CEP128: variants seen among roughly 807,000 people sequenced by gnomAD.
The protein encoded by CEP128 is centrosomal protein 128kDa.
Under a neutral mutation model 156.7 loss-of-function variants are expected in CEP128, and 132 were observed. The ratio of observed to expected loss-of-function variants is 0.84; its 90% CI spans 0.73 to 0.97. The LOEUF is 0.97. Ranked by LOEUF, CEP128 falls within the 50% of genes least tolerant of loss-of-function variation. CEP128 has a pLI of 0.00. For missense variants in CEP128, 1,252 were observed against 1,281.9 expected (o/e 0.98, Z 0.36); for synonymous variants, 469 against 448.9 (o/e 1.04, Z -0.57).
At chr14:80,520,989 ATTTTTT>A (rs533538115) in intron 23 of CEP128, among the ~76,000 whole-genome samples, 14 of 114,604 alleles carry the variant, frequency 1.2e-4, no homozygotes, top group African/African-American at 3.7e-4. Flanking sequence ...CGCCCAGCTA[ATTTTTT>A]TTTTTTTTTT....
At chr14:80,854,774 C>T (rs1199910538) in intron 9 of CEP128, among the ~76,000 whole-genome samples, 2 of 151,974 alleles carry the variant, frequency 1.3e-5, no homozygotes, top group Non-Finnish European at 1.5e-5. Context: ...AACACAGGAC[C>T]AAAACAGTGT....
rs554380167 is a variant in CEP128, at chr14:80,694,451, A to C, written c.2806+48624T>G. 4.2e-3 allele frequency among the ~76,000 whole-genome samples: 637 copies of C among 152,308 alleles called. 6 individuals are homozygous for C. Among genetic ancestry groups the C allele is most frequent in the African/African-American group, 0.015 (622 of 41,576 alleles). On this transcript the variant is annotated intron_variant, in intron 19 of 24. Coordinates refer to ENST00000555265, the MANE Select transcript of CEP128 (RefSeq NM_152446.5). ...TTCTACTATAAAGACACATGAACATATATGTTTACTGCAGCACTATTTACA... is the reference window on the plus strand; with the variant it reads ...TTCTACTATAAAGACACATGAACATCTATGTTTACTGCAGCACTATTTACA...
At chr14:80,916,757 T>C (rs934433659) in intron 2 of CEP128, among the ~76,000 whole-genome samples, 195 bp from the exon 3 acceptor site, 16 of 152,236 alleles carry the variant, frequency 1.1e-4, no homozygotes, top group African/African-American at 3.9e-4. Context: ...CCATTGTCTC[T>C]GCTTTAAGGG....
rs532371368 is a variant in CEP128 at position 80,571,331 on chromosome 14, T to C, written c.2856+9043A>G. Among the ~76,000 whole-genome samples the C allele has an allele frequency of 2.6e-5, 4 of 152,318 alleles. No individual in the cohort carries two copies. The East Asian group carries it at 5.8e-4, about 22-fold the overall frequency. On this transcript the variant is annotated intron_variant, in intron 20 of 24. Coordinates refer to ENST00000555265, the MANE Select transcript of CEP128 (RefSeq NM_152446.5). ...CTAGGGATTTCTATTACAACCAGAATGTAGTAAAGGCATGGAATCTCTTGT... is the reference window on the plus strand; with the variant it reads ...CTAGGGATTTCTATTACAACCAGAACGTAGTAAAGGCATGGAATCTCTTGT...
intron 19 of CEP128, among the ~76,000 whole-genome samples, chr14:80,632,365 G>A (rs1454677503): frequency 6.7e-6 from 1 of 148,762 alleles, no homozygotes; most frequent in Non-Finnish European, 1.5e-5. Flanking sequence ...TATATACTAA[G>A]TATAAATATT....
At chr14:80,496,144 C>T (rs554262642), downstream of CEP128, among the ~76,000 whole-genome samples, 1 of 152,156 alleles carries the variant, frequency 6.6e-6, no homozygotes, top group Non-Finnish European at 1.5e-5. Flanking sequence ...GCCAAACAAA[C>T]TTTGCGACAT....
chr14:80,870,982 T>C (rs1409702973), intron 8 of CEP128, among the ~76,000 whole-genome samples: 1 of 151,430 alleles, frequency 6.6e-6, no homozygotes, highest in Non-Finnish European at 1.5e-5. Context: ...CTGTTCACTA[T>C]AGCACCCAAA....
intron 2 of CEP128, among the ~76,000 whole-genome samples, chr14:80,952,582 A>G (rs896056915): frequency 1.3e-5 from 2 of 152,116 alleles, no homozygotes; most frequent in African/African-American, 4.8e-5. Flanking sequence ...CCTCAGTCTT[A>G]AGAAACCTCA....
intron 13 of CEP128, among the ~76,000 whole-genome samples, chr14:80,821,632 CACACACACACAT>C (rs1490075942): frequency 2.9e-4 from 44 of 150,364 alleles, no homozygotes; most frequent in African/African-American, 1.0e-3. Context: ...CACACACACA[CACACACACACAT>C]GCACACAAAG....
intron 23 of CEP128, among the ~76,000 whole-genome samples, chr14:80,523,982 T>C (rs1191376290): frequency 6.6e-6 from 1 of 152,194 alleles, no homozygotes; most frequent in East Asian, 1.9e-4. Context: ...TATGAATAAA[T>C]GAGTGTGGTT....
At chr14:80,613,431 T>C (rs1006158016) in intron 19 of CEP128, among the ~76,000 whole-genome samples, 2 of 149,242 alleles carry the variant, frequency 1.3e-5, no homozygotes, top group African/African-American at 4.9e-5. Context: ...GCCTCTCGAG[T>C]AATTGGGACT....
chr14:80,624,917 T>C (rs1024875726), intron 19 of CEP128, among the ~76,000 whole-genome samples: 4 of 152,234 alleles, frequency 2.6e-5, no homozygotes, highest in African/African-American at 9.6e-5. Flanking sequence ...AAATTTTCAG[T>C]TTGATATAGT....
At chr14:80,636,754 C>T (rs78994146) in intron 19 of CEP128, among the ~76,000 whole-genome samples, 1 of 152,090 alleles carries the variant, frequency 6.6e-6, no homozygotes, top group Non-Finnish European at 1.5e-5. Flanking sequence ...TTCCATTTTT[C>T]CCCCCAACTC....
At position 80,508,381 on chromosome 14, in the gene CEP128, C is replaced by T. The variant is rs1426551463; in HGVS notation, c.3073-3361G>A. 2.6e-5 allele frequency among the ~76,000 whole-genome samples: 4 copies of T among 152,134 alleles called. No individual in the cohort carries two copies. In the East Asian group the frequency reaches 5.8e-4, roughly 22 times the overall value. On this transcript the variant is annotated intron_variant, in intron 23 of 24. Coordinates refer to ENST00000555265, the MANE Select transcript of CEP128 (RefSeq NM_152446.5). ...AACTTATTAGCATAATTTAAGGATA[C>T]ATTTTCCCAGGTCTTACTTATAAAT... is the stretch of plus-strand genomic sequence containing the variant.
At chr14:80,740,095 GTGATTTTTTTTTTCACT>G (rs1898733531) in intron 19 of CEP128, among the ~76,000 whole-genome samples, 9 of 151,964 alleles carry the variant, frequency 5.9e-5, no homozygotes, top group African/African-American at 2.2e-4. Context: ...TTTTGGAAGA[GTGATTTTTTTTTTCACT>G]AAATATTAGT....
intron 19 of CEP128, among the ~76,000 whole-genome samples, chr14:80,669,409 T>C (rs1203553855): frequency 1.3e-5 from 2 of 151,964 alleles, no homozygotes; most frequent in South Asian, 4.2e-4. Context: ...CTGTAAACTA[T>C]GCATCTGACA....
chr14:80,816,225 G>A (rs976033939), intron 13 of CEP128, among the ~76,000 whole-genome samples: 1 of 152,144 alleles, frequency 6.6e-6, no homozygotes, highest in African/African-American at 2.4e-5. Context: ...TCAGTTGTCT[G>A]AATCTCCACT....
At chr14:80,716,901 T>C (rs1488051388) in intron 19 of CEP128, among the ~76,000 whole-genome samples, 1 of 152,224 alleles carries the variant, frequency 6.6e-6, no homozygotes, top group Non-Finnish European at 1.5e-5. Context: ...GTTGTTACTA[T>C]CTTTTTTATT....
At chr14:80,792,327 T>C (rs1901750114) in intron 14 of CEP128, among the ~76,000 whole-genome samples, 1 of 152,244 alleles carries the variant, frequency 6.6e-6, no homozygotes, top group Admixed American at 6.5e-5. Context: ...TAGTAACTAC[T>C]GCATTTTTTA....
Sources: gnomAD v4.1 joint callset for allele counts (sites outside exome capture counted in the v4.1 genomes callset) on GRCh38, gnomAD v4.1.1 for gene constraint, MANE v1.5 for transcripts, NCBI Gene and HGNC (gene_info 2026-07-23, HGNC 2026-07-21) for gene names.